Variants in PRKG1 observed in about 807,000 individuals in gnomAD.
The protein encoded by PRKG1 is protein kinase cGMP-dependent 1.
A neutral mutation model predicts 88.1 loss-of-function variants in PRKG1; 35 were observed. The ratio of observed to expected loss-of-function variants is 0.40; its 90% CI spans 0.30 to 0.53. The LOEUF is 0.53. Among genes scored for constraint, PRKG1 ranks in the 20% least tolerant of loss-of-function variants. The pLI, the probability that PRKG1 is intolerant of heterozygous loss-of-function variation, is 0.59. For missense variants in PRKG1, 540 were observed against 839.8 expected, an observed-to-expected ratio of 0.64 and a Z score of 4.41; for synonymous variants, 303 against 292.5, an observed-to-expected ratio of 1.04 and a Z score of -0.37.
chr10:51,285,962 TTTATTTA>T (rs1840429661), intron 2 of PRKG1, among the ~76,000 whole-genome samples: 2 of 146,292 alleles, frequency 1.4e-5, no homozygotes, highest in South Asian at 4.4e-4. Context: ...GGTGCCTTTA[TTTATTTA>T]TTATTTATTT....
intron 3 of PRKG1, among the ~76,000 whole-genome samples, chr10:51,630,746 G>A (rs889487891): frequency 1.3e-5 from 2 of 152,140 alleles, no homozygotes; most frequent in Non-Finnish European, 1.5e-5. Context: ...AGCCGAAAGA[G>A]GAACGTGTGC....
At chr10:52,191,206 T>C (rs1341862109) in intron 9 of PRKG1, among the ~76,000 whole-genome samples, 1 of 152,092 alleles carries the variant, frequency 6.6e-6, no homozygotes, top group Admixed American at 6.6e-5. Context: ...AAGGCTGGAG[T>C]GCAGTGTCCT....
At chr10:52,047,650 C>T (rs1276645036) in intron 5 of PRKG1, among the ~76,000 whole-genome samples, 2 of 152,020 alleles carry the variant, frequency 1.3e-5, no homozygotes, top group African/African-American at 4.8e-5. Flanking sequence ...CAAGAAATGT[C>T]TTGCTGGTTG....
At chr10:52,281,247 G>C (rs1345108887) in intron 13 of PRKG1, among the ~76,000 whole-genome samples, 1 of 152,016 alleles carries the variant, frequency 6.6e-6, no homozygotes, top group Non-Finnish European at 1.5e-5. Context: ...CCATTCATAA[G>C]CAATGGGTTT....
At chr10:51,019,870 A>G (rs572380370) in intron 1 of PRKG1, among the ~76,000 whole-genome samples, 10 of 152,256 alleles carry the variant, frequency 6.6e-5, no homozygotes, top group Non-Finnish European at 1.2e-4. Context: ...AAGAAGATAT[A>G]TAAATGACCA....
At chr10:51,217,518 C>T (rs1302569105) in intron 2 of PRKG1, among the ~76,000 whole-genome samples, 2 of 151,972 alleles carry the variant, frequency 1.3e-5, no homozygotes, top group Admixed American at 6.6e-5. Flanking sequence ...GTTGGATTAT[C>T]GAAATTTTTA....
chr10:52,098,595 G>C lies in PRKG1; in HGVS notation c.936-35245G>C, dbSNP rs80256439. Among the ~76,000 whole-genome samples, 1,342 of 152,322 alleles carry C rather than the reference G, an allele frequency of 8.8e-3. 12 individuals carry two copies. The highest frequency in any genetic ancestry group is 0.031 in the African/African-American group (1,284 of 41,576). ...GGAGGCCGAGAGAGGTGGATAACGT[G>C]AGGTCAGGAGTTCGAGATAGATGTG... is the stretch of plus-strand genomic sequence containing the variant. On this transcript the variant is annotated intron_variant, in intron 7 of 17. Transcript: ENST00000373980.
At chr10:52,173,005 AT>A (rs1365498919) in intron 9 of PRKG1, among the ~76,000 whole-genome samples, 6 of 152,238 alleles carry the variant, frequency 3.9e-5, no homozygotes, top group Non-Finnish European at 5.9e-5. Context: ...GAATGTGCAC[AT>A]TAACAAGGCA....
intron 2 of PRKG1, among the ~76,000 whole-genome samples, chr10:51,249,307 T>C (rs1839371256): frequency 6.6e-6 from 1 of 151,924 alleles, no homozygotes; most frequent in Non-Finnish European, 1.5e-5. Context: ...GCATATATTA[T>C]AGAATTATCA....
At chr10:51,998,349 C>G (rs1028965518) in intron 5 of PRKG1, among the ~76,000 whole-genome samples, 2 of 152,000 alleles carry the variant, frequency 1.3e-5, no homozygotes, top group Non-Finnish European at 2.9e-5. Flanking sequence ...ATTCACCCAT[C>G]CAAATGGAAG....
At chr10:51,578,533 A>C (rs1046844789) in intron 3 of PRKG1, among the ~76,000 whole-genome samples, 7 of 152,150 alleles carry the variant, frequency 4.6e-5, no homozygotes, top group Non-Finnish European at 1.0e-4. Flanking sequence ...TTTGCTGGGC[A>C]GTGGTGAGAG....
At chr10:51,558,255 A>G (rs1837365196) in intron 3 of PRKG1, among the ~76,000 whole-genome samples, 1 of 152,158 alleles carries the variant, frequency 6.6e-6, no homozygotes, top group Non-Finnish European at 1.5e-5. Flanking sequence ...TGTCAGAAGT[A>G]TATAAATATT....
chr10:51,892,049 T>C (rs1841734572), intron 4 of PRKG1, among the ~76,000 whole-genome samples: 1 of 152,190 alleles, frequency 6.6e-6, no homozygotes, highest in Non-Finnish European at 1.5e-5. Context: ...AACTTCTATT[T>C]CATGTTAAGA....
rs1300504388 is a variant in PRKG1, at chr10:51,635,559, G to A, written c.592+167723G>A. ...AAAAGGCACCTTTTGACCATACTTG[G>A]GTGTTGATTAGAAAAATCAACCATT... On this transcript the variant is annotated intron_variant, in intron 3 of 17. Coordinates refer to ENST00000373980, the MANE Select transcript of PRKG1 (RefSeq NM_006258.4). 7.2e-5 allele frequency among the ~76,000 whole-genome samples: 11 copies of A among 151,908 alleles called. No homozygotes were observed. In the East Asian group the frequency reaches 1.9e-3, roughly 27 times the overall value.
chr10:51,958,184 T>C (rs1354959873), intron 5 of PRKG1, among the ~76,000 whole-genome samples: 1 of 152,226 alleles, frequency 6.6e-6, no homozygotes, highest in Non-Finnish European at 1.5e-5. Context: ...TAACCAAATC[T>C]ATCATCCACA....
At position 51,432,492 on chromosome 10, in the gene PRKG1, G is replaced by A. The variant is rs188295409; in HGVS notation, c.479-35231G>A. Among the ~76,000 whole-genome samples the A allele has an allele frequency of 5.6e-3, 847 of 152,192 alleles. 5 individuals carry two copies. The highest frequency in any genetic ancestry group is 9.3e-3 in the Non-Finnish European group (632 of 67,984). ...GTTAAAGCACACAAAAAAGTTGAGC[G>A]GCATAGTCCAACAGATGTTTAAACA... On this transcript the variant is annotated intron_variant, in intron 2 of 17. Coordinates refer to ENST00000373980, the MANE Select transcript of PRKG1 (RefSeq NM_006258.4).
chr10:51,759,022 G>A (rs1027502853), intron 3 of PRKG1, among the ~76,000 whole-genome samples: 6 of 152,082 alleles, frequency 3.9e-5, no homozygotes, highest in African/African-American at 1.4e-4. Flanking sequence ...CAAAGGACAT[G>A]AACTCATCCT....
At chr10:51,859,239 A>G (rs1217961062) in intron 4 of PRKG1, among the ~76,000 whole-genome samples, 14 of 152,232 alleles carry the variant, frequency 9.2e-5, no homozygotes, top group Admixed American at 6.5e-5. Flanking sequence ...CAGATTCTGC[A>G]TAGAATTATA....
chr10:51,615,709 C>A (rs942777519), intron 3 of PRKG1, among the ~76,000 whole-genome samples: 2 of 150,120 alleles, frequency 1.3e-5, no homozygotes, highest in South Asian at 2.1e-4. Flanking sequence ...TTATTCATAT[C>A]CTAAATTGTT....
Sources: gnomAD v4.1 joint callset for allele counts (sites outside exome capture counted in the v4.1 genomes callset) on GRCh38, gnomAD v4.1.1 for gene constraint, MANE v1.5 for transcripts, NCBI Gene and HGNC (gene_info 2026-07-23, HGNC 2026-07-21) for gene names.